PLEKHG1: variants seen among roughly 807,000 people sequenced by gnomAD.
The protein encoded by PLEKHG1 is pleckstrin homology and RhoGEF domain containing G1, also known as pleckstrin homology domain-containing family G member 1.
PLEKHG1 carries 44 observed loss-of-function variants against 100.8 expected under a neutral mutation model. That is an observed-to-expected ratio of 0.44 (90% CI 0.34 to 0.56). The LOEUF (loss-of-function observed/expected upper bound fraction) is 0.56. Among genes scored for constraint, PLEKHG1 ranks in the 20% least tolerant of loss-of-function variants. PLEKHG1 has a pLI of 0.01. For synonymous variants in PLEKHG1, 640 were observed against 662.5 expected, an observed-to-expected ratio of 0.97 and a Z score of 0.52; for missense variants, 1,545 against 1,720.9, an observed-to-expected ratio of 0.90 and a Z score of 1.81.
chr6:150,723,139 G>A (rs1285149624), intron 1 of PLEKHG1, among the ~76,000 whole-genome samples: 1 of 152,144 alleles, frequency 6.6e-6, no homozygotes, highest in Non-Finnish European at 1.5e-5. Flanking sequence ...GGGTTTTCAG[G>A]ATTGGAGTCA....
At chr6:150,647,428 G>A (rs2128571840) in intron 2 of PLEKHG1, among the ~76,000 whole-genome samples, 1 of 152,274 alleles carries the variant, frequency 6.6e-6, no homozygotes, top group South Asian at 2.1e-4. Flanking sequence ...AGGACATGGT[G>A]ATAGGTTGGT....
At chr6:150,636,963 A>C (rs1778030791) in intron 1 of PLEKHG1, among the ~76,000 whole-genome samples, 1 of 152,176 alleles carries the variant, frequency 6.6e-6, no homozygotes, top group Non-Finnish European at 1.5e-5. Context: ...CCTATGACTA[A>C]GATGTCAAAC....
chr6:150,838,955 G>A (rs1323180589), intron 15 of PLEKHG1, among the ~76,000 whole-genome samples: 1 of 152,154 alleles, frequency 6.6e-6, no homozygotes, highest in African/African-American at 2.4e-5. Flanking sequence ...AGTAGACATT[G>A]GTTCCCCAGA....
chr6:150,659,151 CTT>C (rs57253908), intron 3 of PLEKHG1, among the ~76,000 whole-genome samples: 13,307 of 150,254 alleles, frequency 0.089, 689 homozygotes, highest in South Asian at 0.17. Context: ...CTCTCTCTCT[CTT>C]GTTTCTCTGA....
At chr6:150,690,618 C>A (rs1780317786) in intron 3 of PLEKHG1, among the ~76,000 whole-genome samples, 1 of 152,148 alleles carries the variant, frequency 6.6e-6, no homozygotes, top group Non-Finnish European at 1.5e-5. Flanking sequence ...CCTTCCTGGG[C>A]TTCAGCTATT....
At chr6:150,790,650 C>T (rs1216340184) in intron 4 of PLEKHG1, among the ~76,000 whole-genome samples, 1 of 152,122 alleles carries the variant, frequency 6.6e-6, no homozygotes, top group Non-Finnish European at 1.5e-5. Flanking sequence ...TAGAAACAGC[C>T]AAATGTCCCT....
chr6:150,696,785 C>G (rs9322274), intron 3 of PLEKHG1, among the ~76,000 whole-genome samples: 137,423 of 152,258 alleles, frequency 0.9, 62,204 homozygotes, highest in Non-Finnish European at 0.94. Context: ...GAGACTGAAT[C>G]CCCTGGTGGT....
At chr6:150,828,367 G>A (rs573644372) in intron 14 of PLEKHG1, 3 of 1,609,540 alleles carry the variant, frequency 1.9e-6, no homozygotes, top group African/African-American at 1.3e-5. Context: ...GAGGGACAGC[G>A]ATTCCAAGGG....
chr6:150,733,766 G>A lies in PLEKHG1; in HGVS notation c.85G>A (p.Gly29Ser), dbSNP rs545424709. 6 of 1,614,120 alleles carry A rather than the reference G, an allele frequency of 3.7e-6. No individual in the cohort carries two copies. Among genetic ancestry groups the A allele is most frequent in the South Asian group, 2.2e-5 (2 of 91,078 alleles). ...TTCCCGCGACAGCCATGGTTCCTTC[G>A]GCAGCAGAATGACCTTAGTTTCAAA... The change falls in exon 2 of 16, where the codon GGC becomes AGC. Residue 29 changes from glycine to serine, a missense_variant. By Grantham distance (56) the Gly-to-Ser change is moderately conservative. Transcript: ENST00000358517.
At chr6:150,822,565 A>G (rs1467027828) in intron 13 of PLEKHG1, among the ~76,000 whole-genome samples, 2 of 152,230 alleles carry the variant, frequency 1.3e-5, no homozygotes, top group African/African-American at 4.8e-5. Flanking sequence ...ATTGTAATAC[A>G]TCCATACACA....
chr6:150,621,589 A>T (rs549717045), intron 1 of PLEKHG1, among the ~76,000 whole-genome samples: 1 of 152,166 alleles, frequency 6.6e-6, no homozygotes, highest in South Asian at 2.1e-4. Flanking sequence ...TGGCCAGGCT[A>T]GTCTTGAACT....
chr6:150,824,151 C>T (rs1359833705), intron 14 of PLEKHG1, among the ~76,000 whole-genome samples: 1 of 152,170 alleles, frequency 6.6e-6, no homozygotes, highest in South Asian at 2.1e-4. Context: ...GGCGTATGAT[C>T]GAATGAGACT....
chr6:150,843,150 A>G (rs1048357976), exon 16 of PLEKHG1: 3 of 152,100 alleles, frequency 2.0e-5, no homozygotes, highest in Non-Finnish European at 2.9e-5. Context: ...AGTTCATATT[A>G]TTGTTCTGTC....
chr6:150,819,568 AAATAAT>A (rs553396558), intron 11 of PLEKHG1, 105 bp from the exon 13 acceptor site: 71 of 512,550 alleles, frequency 1.4e-4, no homozygotes, highest in Admixed American at 6.3e-4. Context: ...TCTGTCTCAA[AAATAAT>A]AATAATAATA....
At chr6:150,819,745 C>G (rs149312201) in exon 12 of PLEKHG1, 2 of 1,609,056 alleles carry the variant, frequency 1.2e-6, no homozygotes, top group Non-Finnish European at 1.7e-6. Context: ...AAAGAAGGTT[C>G]TGCTCCATAT....
intron 1 of PLEKHG1, among the ~76,000 whole-genome samples, chr6:150,636,450 C>T (rs1431948849): frequency 1.3e-5 from 2 of 150,830 alleles, no homozygotes; most frequent in Non-Finnish European, 2.9e-5. Context: ...TGGCTTATTA[C>T]TGTAATTAAC....
In PLEKHG1 at chr6:150,831,079, C is replaced by A; in HGVS notation, c.1968C>A (p.Asp656Glu). 6.2e-7 allele frequency: 1 copy of A among 1,614,010 alleles called. No individual in the cohort carries two copies. The highest frequency in any genetic ancestry group is 8.5e-7 in the Non-Finnish European group (1 of 1,179,948). The change falls in exon 15 of 16, where the codon GAC becomes GAA. Residue 656 changes from aspartate to glutamate, a missense_variant. Asp to Glu is a conservative substitution (Grantham distance 45). Transcript: ENST00000358517. This position sits in a 1 kb window ranked among gnomAD's most constrained non-coding sequence, Gnocchi z 4.1. ...CATCCATAGAGTTGACTATTGATGA[C>A]ATAGACCATGTCTATGATAACATCA...
intron 3 of PLEKHG1, among the ~76,000 whole-genome samples, chr6:150,674,829 C>T (rs1281670554): frequency 9.2e-5 from 14 of 151,914 alleles, no homozygotes; most frequent in Non-Finnish European, 1.2e-4. Flanking sequence ...ATTACAGGCA[C>T]CTACCACCAT....
intron 2 of PLEKHG1, among the ~76,000 whole-genome samples, chr6:150,644,318 G>T (rs1457469097): frequency 5.2e-5 from 7 of 135,296 alleles, no homozygotes; most frequent in Admixed American, 1.6e-4. Context: ...AAAGAGAGTG[G>T]TTTTTTTCTT....
Sources: allele counts gnomAD v4.1 joint callset (sites outside exome capture counted in the v4.1 genomes callset), GRCh38; gene constraint gnomAD v4.1.1; non-coding constraint Gnocchi (gnomAD v3.1); transcripts MANE v1.5; gene names NCBI Gene and HGNC (gene_info 2026-07-23, HGNC 2026-07-21).